Variants in MINDY2 observed in about 807,000 individuals in gnomAD.
MINDY2 encodes the protein MINDY lysine 48 deubiquitinase 2, also known as ubiquitin carboxyl-terminal hydrolase MINDY-2.
MINDY2 carries 52 observed loss-of-function variants against 68.2 expected under a neutral mutation model. The observed-to-expected ratio is 0.76, with a 90% CI of 0.61 to 0.96. The LOEUF is 0.96. Ranked by LOEUF, MINDY2 falls within the 40% of genes least tolerant of loss-of-function variation. The pLI, the probability that MINDY2 is intolerant of heterozygous loss-of-function variation, is 0.00. For synonymous variants in MINDY2, 372 were observed against 303.0 expected, an observed-to-expected ratio of 1.23 and a Z score of -2.36; for missense variants, 881 against 773.4, an observed-to-expected ratio of 1.14 and a Z score of -1.65.
In MINDY2 at chr15:58,861,778, G is replaced by A. The variant is rs1244157173; in HGVS notation, c.*7168G>A. The A allele has an allele frequency of 6.6e-6, 1 of 152,132 alleles. No individual in the cohort carries two copies. The highest frequency in any genetic ancestry group is 1.5e-5 in the Non-Finnish European group (1 of 68,024). The allele number at this position is 152,132 out of a possible 1,614,324, so 9.4% of individuals were successfully genotyped here. ...ATTGTACCACAAAGATAGTGTCATT[G>A]TTGGGTTAAAATGTTGGCTGTTTTT... On this transcript the variant is annotated 3_prime_UTR_variant, in exon 9 of 9. Coordinates refer to ENST00000559228, the MANE Select transcript of MINDY2 (RefSeq NM_001040450.3).
chr15:58,836,618 A>AT (rs1567069777), intron 6 of MINDY2, among the ~76,000 whole-genome samples: 3 of 151,216 alleles, frequency 2.0e-5, no homozygotes, highest in Non-Finnish European at 4.4e-5. Flanking sequence ...TGCTTTTTTT[A>AT]TTTTTTATTT....
chr15:58,833,721 G>A lies in MINDY2; in HGVS notation c.1368+1805G>A, dbSNP rs556317617. Among the ~76,000 whole-genome samples, 8 of 152,190 alleles carry A rather than the reference G, an allele frequency of 5.3e-5. No homozygotes were observed. The East Asian group carries it at 1.5e-3, about 29-fold the overall frequency. The stretch of plus-strand genomic sequence containing the variant: ...CATGTCCCATCTTCAGCCCTAAGGC[G>A]GTTTTCCCCTGTCTCAGTAGATGGA... On this transcript the variant is annotated intron_variant, in intron 6 of 8. Coordinates refer to ENST00000559228, the MANE Select transcript of MINDY2 (RefSeq NM_001040450.3).
rs1196026573 is a variant in MINDY2 at position 58,859,312 on chromosome 15, C to G, written c.*4702C>G. On this transcript the variant is annotated 3_prime_UTR_variant, in exon 9 of 9. Transcript: ENST00000559228. ...TTTTCTCCATGGAATACGGTGGTAT[C>G]AAATTACTAATACAGTATATAAACT... 4 of 152,018 alleles carry G rather than the reference C, an allele frequency of 2.6e-5. No individual in the cohort carries two copies. The highest frequency in any genetic ancestry group is 1.3e-4 in the Admixed American group (2 of 15,248). The allele number at this position is 152,018 out of a possible 1,614,324, so 9.4% of individuals were successfully genotyped here. A position where few individuals can be genotyped will look rare whatever the true frequency, so the allele number is the denominator to read the frequency against.
At chr15:58,827,688 G>A (rs1280659833) in intron 5 of MINDY2, among the ~76,000 whole-genome samples, 1 of 152,098 alleles carries the variant, frequency 6.6e-6, no homozygotes, top group East Asian at 1.9e-4. Context: ...TCCTGACCTC[G>A]TGATTCTCCC....
Position 58,859,404 on chromosome 15 carries a change from G to A in MINDY2, c.*4794G>A, listed in dbSNP as rs2033153536. The A allele has an allele frequency of 6.6e-6, 1 of 152,080 alleles. No individual in the cohort carries two copies. Among genetic ancestry groups the A allele is most frequent in the Non-Finnish European group, 1.5e-5 (1 of 67,980 alleles). The allele number at this position is 152,080 out of a possible 1,614,324, so 9.4% of individuals were successfully genotyped here. On this transcript the variant is annotated 3_prime_UTR_variant, in exon 9 of 9. Coordinates refer to ENST00000559228, the MANE Select transcript of MINDY2 (RefSeq NM_001040450.3). ...ATTATTTTAGGGCTATATAAATTGT[G>A]TTTTTAGTGTAAAATGTTATTTGAT...
rs745881727 is a variant in MINDY2 at position 58,851,820 on chromosome 15, T to C, written c.1592T>C (p.Ile531Thr). 42 of 1,610,812 alleles carry C rather than the reference T, an allele frequency of 2.6e-5. No homozygotes were observed. Among genetic ancestry groups the C allele is most frequent in the Non-Finnish European group, 3.5e-5 (41 of 1,179,170 alleles). Reference sequence around the variant, plus strand: ...CAACAAGAACAGCAGAGCCAAGAGATCAATTGGGAACAAATCCCGGAAGGA... The same window carrying C: ...CAACAAGAACAGCAGAGCCAAGAGACCAATTGGGAACAAATCCCGGAAGGA... Reference protein sequence around the residue: ...SLQQEQQSQEINWEQIPEGIS... With the variant: ...SLQQEQQSQETNWEQIPEGIS... The change falls in exon 8 of 9, where the codon ATC becomes ACC. Residue 531 changes from isoleucine (I) to threonine (T), a missense_variant. Coordinates refer to ENST00000559228, the MANE Select transcript of MINDY2 (RefSeq NM_001040450.3).
At chr15:58,846,092 TAAAAAAA>T (rs34161206) in intron 6 of MINDY2, among the ~76,000 whole-genome samples, 1 of 136,250 alleles carries the variant, frequency 7.3e-6, no homozygotes, top group Admixed American at 7.4e-5. Context: ...TAATGGATGT[TAAAAAAA>T]AAAAAAAAGA....
intron 4 of MINDY2, among the ~76,000 whole-genome samples, chr15:58,820,510 C>G (rs2030992155): frequency 6.6e-6 from 1 of 151,726 alleles, no homozygotes; most frequent in Admixed American, 6.6e-5. Context: ...CCTGCTGTGA[C>G]TTTTTGAATT....
chr15:58,835,036 T>G (rs1351466265), intron 6 of MINDY2, among the ~76,000 whole-genome samples: 1 of 152,220 alleles, frequency 6.6e-6, no homozygotes, highest in Non-Finnish European at 1.5e-5. Flanking sequence ...TAACCTGACC[T>G]CTCAAGTCTA....
At chr15:58,829,405 C>T (rs1368857443) in intron 5 of MINDY2, among the ~76,000 whole-genome samples, 9 of 152,182 alleles carry the variant, frequency 5.9e-5, no homozygotes, top group African/African-American at 1.9e-4. Flanking sequence ...TTACTGTCTT[C>T]CCTTTGCCAT....
intron 2 of MINDY2, among the ~76,000 whole-genome samples, chr15:58,798,108 TTTTC>T (rs1902401016): frequency 6.6e-6 from 1 of 151,970 alleles, no homozygotes; most frequent in Non-Finnish European, 1.5e-5. Flanking sequence ...CTACTTGTGT[TTTTC>T]TTTCTTTTCT....
chr15:58,791,662 A>ATG (rs1203541005), intron 2 of MINDY2, among the ~76,000 whole-genome samples: 18 of 64,462 alleles, frequency 2.8e-4, no homozygotes, highest in Admixed American at 1.9e-3. Context: ...GTGTGTGTGT[A>ATG]TGTGTGTGTG....
Position 58,854,522 on chromosome 15 carries a change from A to C in MINDY2, c.1778A>C (p.Gln593Pro). 3.1e-6 allele frequency: 5 copies of C among 1,613,980 alleles called. No individual in the cohort carries two copies. Among genetic ancestry groups the C allele is most frequent in the Middle Eastern group, 1.6e-4 (1 of 6,062 alleles). Residue 593 changes from glutamine to proline, a missense_variant, in exon 9 of 9, where the codon CAA becomes CCA. Physicochemically the swap from Gln to Pro is moderately conservative, Grantham distance 76. Coordinates refer to ENST00000559228, the MANE Select transcript of MINDY2 (RefSeq NM_001040450.3). ...CAAGCCTCTCCATCAAGTGGAAGAC[A>C]ATCTGGGAATAGTGAACGTAAACGG... ...PAQASPSSGR[Q>P]SGNSERKRKE...
chr15:58,818,910 G>A (rs2030879097), intron 4 of MINDY2, among the ~76,000 whole-genome samples: 1 of 151,948 alleles, frequency 6.6e-6, no homozygotes, highest in Non-Finnish European at 1.5e-5. Flanking sequence ...CAAAGTGCTG[G>A]GATTACAGGC....
At chr15:58,820,333 A>G (rs1222544001) in intron 4 of MINDY2, among the ~76,000 whole-genome samples, 2 of 151,754 alleles carry the variant, frequency 1.3e-5, no homozygotes, top group Non-Finnish European at 2.9e-5. Flanking sequence ...AATCCCTGCT[A>G]CTCAGGAGGC....
intron 3 of MINDY2, among the ~76,000 whole-genome samples, chr15:58,807,689 A>G (rs1337237446): frequency 1.3e-5 from 2 of 152,154 alleles, no homozygotes; most frequent in African/African-American, 4.8e-5. Context: ...CCAGATGTAT[A>G]TGACTACATT....
intron 2 of MINDY2, among the ~76,000 whole-genome samples, chr15:58,795,162 C>T (rs1417406371): frequency 2.0e-5 from 3 of 149,884 alleles, no homozygotes; most frequent in Non-Finnish European, 3.0e-5. Context: ...GGCACCAGAG[C>T]GAGACTCGTC....
intron 3 of MINDY2, among the ~76,000 whole-genome samples, chr15:58,806,108 C>T (rs1272583102): frequency 1.3e-5 from 2 of 152,200 alleles, no homozygotes; most frequent in Non-Finnish European, 2.9e-5. Context: ...AAGTCTCCCT[C>T]TGTTGTACAG....
intron 2 of MINDY2, among the ~76,000 whole-genome samples, chr15:58,799,484 C>G (rs1219841211): frequency 6.6e-6 from 1 of 150,638 alleles, no homozygotes; most frequent in Non-Finnish European, 1.5e-5. Context: ...GAGGCTGAGG[C>G]AGGAGAATGG....
Sources: gnomAD v4.1 joint callset for allele counts (sites outside exome capture counted in the v4.1 genomes callset) on GRCh38, gnomAD v4.1.1 for gene constraint, MANE v1.5 for transcripts, NCBI Gene and HGNC (gene_info 2026-07-23, HGNC 2026-07-21) for gene names.